Variants in PRKG1 observed in about 807,000 individuals in gnomAD.
PRKG1 encodes the protein protein kinase cGMP-dependent 1, also known as cGMP-dependent protein kinase 1.
In PRKG1, 35 loss-of-function variants were observed where a neutral mutation model predicts 88.1. That is an observed-to-expected ratio of 0.40 (90% confidence interval 0.30 to 0.53). PRKG1 has a LOEUF of 0.53. Among genes scored for constraint, PRKG1 ranks in the 20% least tolerant of loss-of-function variants. The pLI, the probability that PRKG1 is intolerant of heterozygous loss-of-function variation, is 0.59. For synonymous variants in PRKG1, 303 were observed against 292.5 expected, an observed-to-expected ratio of 1.04 and a Z score of -0.37; for missense variants, 540 against 839.8, an observed-to-expected ratio of 0.64 and a Z score of 4.41.
At chr10:52,048,802 CTCTA>C (rs370884810) in intron 5 of PRKG1, among the ~76,000 whole-genome samples, 47 of 89,412 alleles carry the variant, frequency 5.3e-4, no homozygotes, top group African/African-American at 1.3e-3. Flanking sequence ...AATTTTCTTT[CTCTA>C]TCTATCCTCC....
chr10:51,301,610 C>T (rs1026644869), intron 2 of PRKG1, among the ~76,000 whole-genome samples: 1 of 152,002 alleles, frequency 6.6e-6, no homozygotes, highest in African/African-American at 2.4e-5. Context: ...AAAGAAAGAC[C>T]AAAGGATTGG....
At chr10:51,662,989 A>G (rs1025857984) in intron 3 of PRKG1, among the ~76,000 whole-genome samples, 1 of 152,096 alleles carries the variant, frequency 6.6e-6, no homozygotes, top group Admixed American at 6.6e-5. Context: ...CTTTTAACCT[A>G]TGGAACTCAG....
intron 4 of PRKG1, among the ~76,000 whole-genome samples, chr10:51,884,444 CAAAAAAAA>C (rs57229967): frequency 1.4e-4 from 10 of 70,032 alleles, no homozygotes; most frequent in African/African-American, 1.8e-4. Context: ...AACTCCGTCT[CAAAAAAAA>C]AAAAAAAAAA....
chr10:51,947,486 G>C (rs540525960), intron 5 of PRKG1, among the ~76,000 whole-genome samples: 5 of 152,126 alleles, frequency 3.3e-5, no homozygotes, highest in Non-Finnish European at 7.4e-5. Flanking sequence ...TCCGCCCACT[G>C]TCTGGCACTC....
At chr10:51,813,954 C>T (rs543525347) in intron 4 of PRKG1, among the ~76,000 whole-genome samples, 1 of 152,284 alleles carries the variant, frequency 6.6e-6, no homozygotes, top group East Asian at 1.9e-4. Context: ...ATTACATAGG[C>T]TCAGTGAAGG....
At chr10:51,180,561 C>G (rs1350549282) in intron 2 of PRKG1, among the ~76,000 whole-genome samples, 2 of 152,138 alleles carry the variant, frequency 1.3e-5, no homozygotes, top group South Asian at 2.1e-4. Context: ...TAATTGCAAT[C>G]TAATTAAATG....
In PRKG1 at chr10:51,994,584, C is replaced by G. The variant is rs145465330; in HGVS notation, c.763-59900C>G. Among the ~76,000 whole-genome samples, 6 of 152,274 alleles carry G rather than the reference C, an allele frequency of 3.9e-5. 1 individual carries two copies. The East Asian group carries it at 1.2e-3, about 29-fold the overall frequency. The stretch of plus-strand genomic sequence containing the variant: ...GGTAGCTCAGGTGTGAGAGCATAAA[C>G]TTGTTTGACTGAGAAAGACTGAGAT... On this transcript the variant is annotated intron_variant, in intron 5 of 17. Coordinates refer to ENST00000373980, the MANE Select transcript of PRKG1 (RefSeq NM_006258.4).
chr10:51,910,361 G>A (rs1297658595), intron 5 of PRKG1: 1 of 152,090 alleles, frequency 6.6e-6, no homozygotes, highest in Admixed American at 6.6e-5. Flanking sequence ...TGAGAGAAAA[G>A]GATCTGTCTC....
chr10:52,211,280 G>A (rs1299453916), intron 9 of PRKG1, among the ~76,000 whole-genome samples: 1 of 152,074 alleles, frequency 6.6e-6, no homozygotes, highest in Non-Finnish European at 1.5e-5. Flanking sequence ...TTGATACAAG[G>A]GAGAGATTAT....
chr10:52,166,996 T>C (rs1212383513), intron 9 of PRKG1, among the ~76,000 whole-genome samples: 1 of 151,766 alleles, frequency 6.6e-6, no homozygotes, highest in Non-Finnish European at 1.5e-5. Flanking sequence ...CTTGGTGTTT[T>C]ACAGTTGTAC....
intron 1 of PRKG1, among the ~76,000 whole-genome samples, chr10:51,125,464 G>T (rs976655222): frequency 2.7e-5 from 4 of 150,718 alleles, no homozygotes; most frequent in African/African-American, 9.7e-5. Context: ...AAGTTGGGCA[G>T]ATCACCTGAG....
At chr10:52,032,010 G>T (rs1845487247) in intron 5 of PRKG1, among the ~76,000 whole-genome samples, 1 of 151,930 alleles carries the variant, frequency 6.6e-6, no homozygotes, top group African/African-American at 2.4e-5. Flanking sequence ...AAACAGTCAT[G>T]GTCTTAAATG....
At chr10:52,096,724 C>A (rs192486447) in intron 7 of PRKG1, among the ~76,000 whole-genome samples, 36 of 152,080 alleles carry the variant, frequency 2.4e-4, no homozygotes, top group African/African-American at 8.4e-4. Flanking sequence ...CATCTATGCA[C>A]GCAGATTTAA....
chr10:52,126,815 A>G (rs534385865), intron 7 of PRKG1, among the ~76,000 whole-genome samples: 6 of 152,350 alleles, frequency 3.9e-5, no homozygotes, highest in African/African-American at 1.4e-4. Flanking sequence ...GGAAACAGTT[A>G]TCTGTCACCA....
intron 2 of PRKG1, among the ~76,000 whole-genome samples, chr10:51,235,586 C>T (rs1346681786): frequency 6.6e-6 from 1 of 152,124 alleles, no homozygotes; most frequent in Non-Finnish European, 1.5e-5. Flanking sequence ...AAGACCTCTT[C>T]CAAAATCTTA....
chr10:51,784,301 C>T (rs1001116862), intron 3 of PRKG1, among the ~76,000 whole-genome samples: 1 of 152,038 alleles, frequency 6.6e-6, no homozygotes, highest in African/African-American at 2.4e-5. Context: ...AGTAGCCTTC[C>T]TGAAAATTGC....
intron 1 of PRKG1, among the ~76,000 whole-genome samples, chr10:51,001,083 C>T (rs755744555): frequency 6.6e-6 from 1 of 152,178 alleles, no homozygotes; most frequent in Non-Finnish European, 1.5e-5. Flanking sequence ...CACATTAATA[C>T]ATCATCAGAA....
intron 3 of PRKG1, among the ~76,000 whole-genome samples, chr10:51,521,816 T>A (rs1841743394): frequency 6.6e-6 from 1 of 152,246 alleles, no homozygotes; most frequent in Non-Finnish European, 1.5e-5. Context: ...GTACTGTAAA[T>A]GAAAGTCGTG....
intron 4 of PRKG1, among the ~76,000 whole-genome samples, chr10:51,862,153 G>A (rs903714993): frequency 6.6e-6 from 1 of 152,204 alleles, no homozygotes; most frequent in African/African-American, 2.4e-5. Context: ...CAATGGGGGA[G>A]AGGGGCATGT....
Sources: allele counts gnomAD v4.1 joint callset (sites outside exome capture counted in the v4.1 genomes callset), GRCh38; gene constraint gnomAD v4.1.1; transcripts MANE v1.5; gene names NCBI Gene and HGNC (gene_info 2026-07-23, HGNC 2026-07-21).